PKHD1: variants seen among roughly 807,000 people sequenced by gnomAD.
The protein encoded by PKHD1 is fibrocystin.
PKHD1 carries 291 observed loss-of-function variants against 412.0 expected under a neutral mutation model. That is an observed-to-expected ratio of 0.71 (90% CI 0.64 to 0.78). PKHD1 has a LOEUF of 0.78. Ranked by LOEUF, PKHD1 falls within the 30% of genes least tolerant of loss-of-function variation. PKHD1 has a pLI of 0.00. For missense variants in PKHD1, 4,825 were observed against 4,950.7 expected (o/e 0.97, Z 0.76); for synonymous variants, 1,777 against 1,821.5 (o/e 0.98, Z 0.62).
At chr6:51,951,200 GA>G (rs1484158778) in intron 36 of PKHD1, among the ~76,000 whole-genome samples, 2 of 152,096 alleles carry the variant, frequency 1.3e-5, no homozygotes, top group East Asian at 3.9e-4. Context: ...TCTACATCTA[GA>G]AAACCATGAC....
chr6:51,734,581 G>C (rs1283949770), intron 60 of PKHD1, among the ~76,000 whole-genome samples: 4 of 152,140 alleles, frequency 2.6e-5, no homozygotes, highest in Admixed American at 2.6e-4. Flanking sequence ...CACGAGAGGG[G>C]CTGTAATGGA....
At position 52,022,936 on chromosome 6, in the gene PKHD1, C is replaced by T. The variant is rs1562154957; in HGVS notation, c.5245G>A (p.Gly1749Ser). ...TAVTENFGCL[G>S]GRLVHVFGAG... ...CCAAACACATGCACCAGCCTTCCACCCAGGCAGCCTTTAAAGACAAAGGTA... is the reference window on the plus strand; with the variant it reads ...CCAAACACATGCACCAGCCTTCCACTCAGGCAGCCTTTAAAGACAAAGGTA... Residue 1749 changes from glycine to serine, a missense_variant, in exon 33 of 67, where the codon GGT becomes AGT. Gly to Ser is a moderately conservative substitution (Grantham distance 56). Coordinates refer to ENST00000371117, the MANE Select transcript of PKHD1 (RefSeq NM_138694.4). 6.2e-7 allele frequency: 1 copy of T among 1,614,104 alleles called. No homozygotes were observed. The highest frequency in any genetic ancestry group is 1.6e-4 in the Middle Eastern group (1 of 6,062).
chr6:52,066,068 G>T lies in PKHD1; in HGVS notation c.788C>A (p.Ser263Tyr). Reference protein sequence around the residue: ...FLYQTHSEILSVFPETGSLGG... With the variant: ...FLYQTHSEILYVFPETGSLGG... ...AAGGCTCCCAGTTTCTGGAAACACA[G>T]ATAATATTTCTGCAAGAGTTAAAAA... The change falls in exon 12 of 67, where the codon TCT becomes TAT. Residue 263 changes from serine (S) to tyrosine (Y), a missense_variant. Physicochemically the swap from Ser to Tyr is moderately radical, Grantham distance 144. Transcript: ENST00000371117. 14 of 1,468,072 alleles carry T rather than the reference G, an allele frequency of 9.5e-6. No individual in the cohort carries two copies. The highest frequency in any genetic ancestry group is 1.2e-5 in the South Asian group (1 of 85,710). 90.9% of individuals were successfully genotyped at this position (1,468,072 alleles called of 1,614,324 possible). A position where few individuals can be genotyped will look rare whatever the true frequency, so the allele number is the denominator to read the frequency against.
At chr6:51,902,528 AC>A (rs893981577) in intron 43 of PKHD1, among the ~76,000 whole-genome samples, 2 of 152,148 alleles carry the variant, frequency 1.3e-5, no homozygotes, top group African/African-American at 2.4e-5. Flanking sequence ...AGAAGAGATA[AC>A]CACTACTTTT....
rs950736854 is a variant in PKHD1 at position 51,617,857 on chromosome 6, C to T, written c.*1224G>A. 1.3e-5 allele frequency: 2 copies of T among 151,502 alleles called. No homozygotes were observed. Among genetic ancestry groups the T allele is most frequent in the Non-Finnish European group, 2.9e-5 (2 of 67,846 alleles). 9.4% of individuals were successfully genotyped at this position (151,502 alleles called of 1,614,324 possible). ...TCTTCCAATGCAACTACACAACAAC[C>T]CCTTAACATTGTAGAGATTGGAAAA... On this transcript the variant is annotated 3_prime_UTR_variant, in exon 67 of 67. Transcript: ENST00000371117.
At position 51,788,342 on chromosome 6, in the gene PKHD1, C is replaced by T. The variant is rs139089881; in HGVS notation, c.8440+2894G>A. ...TATGCTGGAGAGCTTCTGTTGACACCTCCATTTCCAAACTCTGTGCTTCTC... is the reference window on the plus strand; with the variant it reads ...TATGCTGGAGAGCTTCTGTTGACACTTCCATTTCCAAACTCTGTGCTTCTC... On this transcript the variant is annotated intron_variant, in intron 53 of 66. Transcript: ENST00000371117. Among the ~76,000 whole-genome samples the T allele has an allele frequency of 1.3e-3, 204 of 152,022 alleles. 2 individuals carry two copies. The highest frequency in any genetic ancestry group is 4.6e-3 in the African/African-American group (192 of 41,472).
intron 65 of PKHD1, among the ~76,000 whole-genome samples, chr6:51,628,024 C>G (rs943606692): frequency 6.6e-6 from 1 of 152,100 alleles, no homozygotes; most frequent in Non-Finnish European, 1.5e-5. Context: ...AATGCCATAA[C>G]ATGGCATGAA....
At chr6:51,960,066 G>GTTGT (rs775586057) in intron 35 of PKHD1, 40 bp from the exon 36 acceptor site, 2 of 1,607,632 alleles carry the variant, frequency 1.2e-6, no homozygotes, top group African/African-American at 1.3e-5. Flanking sequence ...TGGTTGGTTG[G>GTTGT]TTGGCTGGTC....
intron 13 of PKHD1, among the ~76,000 whole-genome samples, chr6:52,063,139 A>T (rs762057349): frequency 1.3e-4 from 20 of 152,188 alleles, no homozygotes; most frequent in Non-Finnish European, 2.8e-4. Flanking sequence ...TCATGGCCTC[A>T]ATTTGTGGAC....
chr6:51,969,080 T>C (rs566556589), intron 35 of PKHD1, among the ~76,000 whole-genome samples: 3 of 152,310 alleles, frequency 2.0e-5, no homozygotes, highest in Admixed American at 6.5e-5. Context: ...AAAAGGGAGA[T>C]GGCCTCTACC....
intron 42 of PKHD1, 52 bp from the exon 43 acceptor site, chr6:51,903,779 A>G: frequency 6.8e-7 from 1 of 1,463,070 alleles, no homozygotes; most frequent in Non-Finnish European, 9.5e-7. Context: ...AAATGTACTC[A>G]ACTCAACACC....
chr6:51,661,251 T>A (rs895292684), intron 60 of PKHD1, among the ~76,000 whole-genome samples: 4 of 151,906 alleles, frequency 2.6e-5, no homozygotes, highest in Admixed American at 2.6e-4. Context: ...CAGATATAGA[T>A]TAGATATAGA....
At chr6:52,029,058 T>G (rs1802649717) in intron 29 of PKHD1, among the ~76,000 whole-genome samples, 1 of 152,224 alleles carries the variant, frequency 6.6e-6, no homozygotes, top group African/African-American at 2.4e-5. Flanking sequence ...TAATGCTGTA[T>G]GTGAGTTTAG....
intron 29 of PKHD1, among the ~76,000 whole-genome samples, chr6:52,030,223 C>T (rs147724479): frequency 6.6e-6 from 1 of 152,304 alleles, no homozygotes; most frequent in East Asian, 1.9e-4. Flanking sequence ...GACTATGAAT[C>T]TGCATTCAAA....
intron 45 of PKHD1, among the ~76,000 whole-genome samples, chr6:51,884,813 C>T (rs1294172851): frequency 6.6e-6 from 1 of 152,164 alleles, no homozygotes; most frequent in African/African-American, 2.4e-5. Flanking sequence ...AATCACTTCT[C>T]TGCATAAGAG....
At chr6:51,910,109 C>T (rs140277122) in intron 39 of PKHD1, among the ~76,000 whole-genome samples, 1 of 152,190 alleles carries the variant, frequency 6.6e-6, no homozygotes, top group African/African-American at 2.4e-5. Flanking sequence ...CCTGAACTAA[C>T]ACACACAACT....
chr6:51,754,646 G>A lies in PKHD1; in HGVS notation c.8797+138C>T, dbSNP rs12661470. 76,417 of 729,736 alleles carry A rather than the reference G, an allele frequency of 0.1. 4,409 individuals carry two copies. Among genetic ancestry groups the A allele is most frequent in the East Asian group, 0.14 (5,460 of 39,340 alleles). The allele number at this position is 729,736 out of a possible 1,614,324, so 45.2% of individuals were successfully genotyped here. Reference sequence around the variant, plus strand: ...AATGAGGGAATAGAGATAAGGCCACGTAGCATGAGTCTAGGTCAACAGGAA... The same window carrying A: ...AATGAGGGAATAGAGATAAGGCCACATAGCATGAGTCTAGGTCAACAGGAA... On this transcript the variant is annotated intron_variant, in intron 56 of 66. Coordinates refer to ENST00000371117, the MANE Select transcript of PKHD1 (RefSeq NM_138694.4).
At chr6:51,686,420 C>G (rs1014938531) in intron 60 of PKHD1, among the ~76,000 whole-genome samples, 3 of 152,278 alleles carry the variant, frequency 2.0e-5, no homozygotes, top group African/African-American at 7.2e-5. Flanking sequence ...CACTTGGGGA[C>G]TCTGCCAAGG....
At chr6:51,670,323 A>T (rs1202993964) in intron 60 of PKHD1, among the ~76,000 whole-genome samples, 3 of 151,858 alleles carry the variant, frequency 2.0e-5, no homozygotes, top group Non-Finnish European at 4.4e-5. Flanking sequence ...GTCTCTTTTG[A>T]TCTTTGTTGG....
Sources: allele counts gnomAD v4.1 joint callset (sites outside exome capture counted in the v4.1 genomes callset), GRCh38; gene constraint gnomAD v4.1.1; transcripts MANE v1.5; gene names NCBI Gene and HGNC (gene_info 2026-07-23, HGNC 2026-07-21).